Variants in C8orf34 observed in about 807,000 individuals in gnomAD.
The protein encoded by C8orf34 is chromosome 8 open reading frame 34.
A neutral mutation model predicts 68.3 loss-of-function variants in C8orf34; 65 were observed. The observed-to-expected ratio is 0.95, with a 90% CI of 0.78 to 1.17. C8orf34 has a LOEUF of 1.17. C8orf34 is among the 50% of genes most tolerant of loss of function. The probability of loss-of-function intolerance (pLI) is 0.00; values close to 1 mark genes in which losing one functional copy is unlikely to be tolerated. For missense variants in C8orf34, 664 were observed against 655.4 expected, an observed-to-expected ratio of 1.01 and a Z score of -0.14; for synonymous variants, 244 against 241.2, an observed-to-expected ratio of 1.01 and a Z score of -0.11.
intron 3 of C8orf34, among the ~76,000 whole-genome samples, chr8:68,461,089 T>G (rs974572428): frequency 8.5e-5 from 13 of 152,168 alleles, no homozygotes; most frequent in African/African-American, 3.1e-4. Context: ...TACAGAGAAG[T>G]GCTTAAAGGA....
intron 7 of C8orf34, among the ~76,000 whole-genome samples, chr8:68,539,760 A>C (rs1586345633): frequency 6.6e-6 from 1 of 152,056 alleles, no homozygotes; most frequent in East Asian, 1.9e-4. Flanking sequence ...ACACTGAGGC[A>C]GGAGAATCAC....
At chr8:68,654,348 A>T (rs929192791) in intron 8 of C8orf34, among the ~76,000 whole-genome samples, 4 of 152,144 alleles carry the variant, frequency 2.6e-5, no homozygotes, top group Non-Finnish European at 5.9e-5. Flanking sequence ...ACAGACTAAG[A>T]CAGTTTTCTC....
intron 8 of C8orf34, among the ~76,000 whole-genome samples, chr8:68,678,859 G>GAAA (rs35973682): frequency 5.1e-5 from 6 of 116,910 alleles, no homozygotes; most frequent in East Asian, 2.4e-4. Context: ...GACCACAACT[G>GAAA]AAAAAAAAAA....
intron 1 of C8orf34, among the ~76,000 whole-genome samples, chr8:68,412,540 T>C (rs916022873): frequency 6.6e-6 from 1 of 152,162 alleles, no homozygotes; most frequent in African/African-American, 2.4e-5. Context: ...AATTCCTCAG[T>C]AGTTTTAACT....
At chr8:68,719,689 C>T (rs960892986) in intron 9 of C8orf34, among the ~76,000 whole-genome samples, 3 of 151,680 alleles carry the variant, frequency 2.0e-5, no homozygotes, top group Admixed American at 6.6e-5. Context: ...TGGAGAAGAG[C>T]TTGAGAACTT....
At chr8:68,800,659 C>T (rs1255742355) in intron 12 of C8orf34, among the ~76,000 whole-genome samples, 2 of 152,230 alleles carry the variant, frequency 1.3e-5, no homozygotes, top group East Asian at 3.9e-4. Flanking sequence ...GCTGTTTTCT[C>T]ACTGTATAGG....
chr8:68,388,242 T>TATTA (rs1808341623), intron 1 of C8orf34, among the ~76,000 whole-genome samples: 1 of 152,178 alleles, frequency 6.6e-6, no homozygotes, highest in African/African-American at 2.4e-5. Context: ...TAGGATAAAG[T>TATTA]GCAATTACTA....
intron 3 of C8orf34, among the ~76,000 whole-genome samples, chr8:68,451,654 CTT>C (rs1811350553): frequency 6.6e-6 from 1 of 152,008 alleles, no homozygotes; most frequent in Non-Finnish European, 1.5e-5. Flanking sequence ...AGTTCACCAT[CTT>C]ACATGGGTGT....
At chr8:68,456,120 G>T (rs1256420529) in intron 3 of C8orf34, among the ~76,000 whole-genome samples, 1 of 151,410 alleles carries the variant, frequency 6.6e-6, no homozygotes, top group Admixed American at 6.6e-5. Flanking sequence ...GCAGGGCGTG[G>T]TGGTGGGTGC....
intron 8 of C8orf34, among the ~76,000 whole-genome samples, chr8:68,656,088 C>T (rs1474600382): frequency 6.6e-6 from 1 of 152,152 alleles, no homozygotes; most frequent in Non-Finnish European, 1.5e-5. Context: ...TGATGCTGCT[C>T]TCCTCTTCCA....
intron 3 of C8orf34, among the ~76,000 whole-genome samples, chr8:68,455,563 T>G (rs187611091): frequency 5.9e-5 from 9 of 152,158 alleles, no homozygotes; most frequent in African/African-American, 2.2e-4. Flanking sequence ...CCCAGCTCTC[T>G]TTTCATTAAT....
intron 4 of C8orf34, among the ~76,000 whole-genome samples, chr8:68,484,921 A>C (rs896671536): frequency 1.3e-5 from 2 of 152,226 alleles, no homozygotes; most frequent in African/African-American, 2.4e-5. Flanking sequence ...AAAATATGTA[A>C]ATTTTAAGAA....
intron 1 of C8orf34, among the ~76,000 whole-genome samples, chr8:68,420,461 T>C (rs183429743): frequency 2.6e-5 from 4 of 152,256 alleles, no homozygotes; most frequent in Admixed American, 2.6e-4. Context: ...CTTTCTACTT[T>C]CTGGAGGAAG....
chr8:68,400,126 C>T (rs1394342010), intron 1 of C8orf34, among the ~76,000 whole-genome samples: 1 of 152,128 alleles, frequency 6.6e-6, no homozygotes, highest in East Asian at 1.9e-4. Flanking sequence ...TGTCTATTCA[C>T]TCTGTTGATT....
chr8:68,485,581 G>A lies in C8orf34; in HGVS notation c.737-2442G>A, dbSNP rs578056006. On this transcript the variant is annotated intron_variant, in intron 4 of 13. Coordinates refer to ENST00000518698, the MANE Select transcript of C8orf34 (RefSeq NM_052958.4). Reference sequence around the variant, plus strand: ...ACAAAAATTAGCTGGGCATGGTGGCGGGTGCCTGTAATCCCAGCTACTCAT... The same window carrying A: ...ACAAAAATTAGCTGGGCATGGTGGCAGGTGCCTGTAATCCCAGCTACTCAT... Among the ~76,000 whole-genome samples, 62 of 151,742 alleles carry A rather than the reference G, an allele frequency of 4.1e-4. 1 individual carries two copies. The East Asian group carries it at 9.7e-3, about 24-fold the overall frequency.
intron 3 of C8orf34, among the ~76,000 whole-genome samples, chr8:68,457,780 A>T (rs1811616704): frequency 6.6e-6 from 1 of 152,096 alleles, no homozygotes; most frequent in South Asian, 2.1e-4. Context: ...GACTCTTCCT[A>T]ATCTCAGATT....
At chr8:68,566,092 A>G (rs1282548523) in intron 7 of C8orf34, among the ~76,000 whole-genome samples, 1 of 152,222 alleles carries the variant, frequency 6.6e-6, no homozygotes, top group African/African-American at 2.4e-5. Context: ...ATTTACAATT[A>G]TACATCCATG....
At chr8:68,773,779 G>A (rs1448482271) in intron 10 of C8orf34, among the ~76,000 whole-genome samples, 1 of 152,052 alleles carries the variant, frequency 6.6e-6, no homozygotes, top group Non-Finnish European at 1.5e-5. Flanking sequence ...CCCGTTGTAT[G>A]GCCCTTGAAA....
At chr8:68,661,397 A>G (rs182697015) in intron 8 of C8orf34, among the ~76,000 whole-genome samples, 1 of 152,360 alleles carries the variant, frequency 6.6e-6, no homozygotes, top group Non-Finnish European at 1.5e-5. Flanking sequence ...CCAAAATGAT[A>G]CAAGATTTTT....
Sources: gnomAD v4.1 joint callset for allele counts (sites outside exome capture counted in the v4.1 genomes callset) on GRCh38, gnomAD v4.1.1 for gene constraint, MANE v1.5 for transcripts, NCBI Gene and HGNC (gene_info 2026-07-23, HGNC 2026-07-21) for gene names.